Variants in ABI1 observed in about 807,000 individuals in gnomAD.
ABI1 encodes the protein Abelson interactor 1.
In ABI1, 14 loss-of-function variants were observed where a neutral mutation model predicts 54.6. The observed-to-expected ratio is 0.26, with a 90% CI of 0.17 to 0.40. ABI1 has a LOEUF of 0.40. Ranked by LOEUF, ABI1 falls within the 10% of genes least tolerant of loss-of-function variation. ABI1 has a pLI of 1.00. For missense variants in ABI1, 443 were observed against 598.3 expected (o/e 0.74, Z 2.71); for synonymous variants, 194 against 209.3 (o/e 0.93, Z 0.63).
intron 9 of ABI1, 147 bp from the exon 10 acceptor site, chr10:26,751,930 A>T: frequency 1.3e-6 from 1 of 751,760 alleles, no homozygotes; most frequent in East Asian, 2.9e-5. Context: ...TTGGTGTGTT[A>T]AAGTTTATGC....
chr10:26,761,196 C>A (rs796530408), intron 7 of ABI1, among the ~76,000 whole-genome samples: 2 of 152,054 alleles, frequency 1.3e-5, no homozygotes, highest in African/African-American at 4.8e-5. Context: ...ACCTTGGCCT[C>A]CCAAAATGCT....
intron 1 of ABI1, among the ~76,000 whole-genome samples, chr10:26,829,090 G>C (rs1036723550): frequency 9.9e-5 from 15 of 152,154 alleles, no homozygotes; most frequent in African/African-American, 3.6e-4. Context: ...GCCGGGCGCA[G>C]TGGCAGGCGC....
At chr10:26,854,732 A>G (rs1262979247) in intron 1 of ABI1, among the ~76,000 whole-genome samples, 3 of 152,224 alleles carry the variant, frequency 2.0e-5, no homozygotes, top group Admixed American at 6.5e-5. Context: ...GTCTATCCTC[A>G]TCTCCTGAAT....
chr10:26,821,746 C>G (rs1374211070), intron 2 of ABI1, among the ~76,000 whole-genome samples: 4 of 151,150 alleles, frequency 2.6e-5, no homozygotes, highest in Admixed American at 2.6e-4. Flanking sequence ...ATGCAGAGAG[C>G]CAAGATCACG....
intron 1 of ABI1, among the ~76,000 whole-genome samples, chr10:26,839,220 G>A (rs1384607701): frequency 6.6e-6 from 1 of 152,342 alleles, no homozygotes; most frequent in South Asian, 2.1e-4. Context: ...TAACTAGCCA[G>A]GTATGGTGGC....
intron 7 of ABI1, among the ~76,000 whole-genome samples, chr10:26,761,697 A>G (rs1450185033): frequency 2.1e-5 from 3 of 142,114 alleles, no homozygotes; most frequent in Non-Finnish European, 3.0e-5. Context: ...CTTAAACAAT[A>G]CACACAGTTT....
chr10:26,797,619 A>G (rs1470642083), intron 2 of ABI1, among the ~76,000 whole-genome samples: 1 of 152,216 alleles, frequency 6.6e-6, no homozygotes, highest in African/African-American at 2.4e-5. Flanking sequence ...GGAGAATCTC[A>G]GCAGACAGTC....
At chr10:26,831,565 C>T (rs918185943) in intron 1 of ABI1, among the ~76,000 whole-genome samples, 2 of 152,016 alleles carry the variant, frequency 1.3e-5, no homozygotes, top group Non-Finnish European at 2.9e-5. Flanking sequence ...AACCTCTTTA[C>T]GTATGTTTTA....
At chr10:26,814,960 G>T (rs5010875) in intron 2 of ABI1, among the ~76,000 whole-genome samples, 2 of 151,832 alleles carry the variant, frequency 1.3e-5, no homozygotes, top group South Asian at 2.1e-4. Context: ...TCTAAATTTT[G>T]AGATTATGTC....
At chr10:26,809,308 T>A (rs934525091) in intron 2 of ABI1, among the ~76,000 whole-genome samples, 2 of 151,354 alleles carry the variant, frequency 1.3e-5, no homozygotes, top group African/African-American at 2.4e-5. Flanking sequence ...CAGTAATCCC[T>A]ACACTTTGGG....
chr10:26,860,877 G>C lies in ABI1; in HGVS notation c.-14C>G. ...CAGCTCTGCCATTTTCCACCCCTCT[G>C]CATCGCTTCCTCTCGCGTTAAAGAG... On this transcript the variant is annotated 5_prime_UTR_variant, in exon 1 of 11. Transcript: ENST00000376140. The surrounding 1 kb of genome is among the most constrained non-coding windows in gnomAD (Gnocchi z 4.1). 1 of 1,608,550 alleles carries C rather than the reference G, an allele frequency of 6.2e-7. No homozygotes were observed. Among genetic ancestry groups the C allele is most frequent in the Non-Finnish European group, 8.5e-7 (1 of 1,175,136 alleles).
At position 26,748,473 on chromosome 10, in the gene ABI1, G is replaced by T; in HGVS notation, c.*97C>A. 1.1e-6 allele frequency: 1 copy of T among 880,708 alleles called. No homozygotes were observed. The highest frequency in any genetic ancestry group is 1.6e-6 in the Non-Finnish European group (1 of 609,034). The allele number at this position is 880,708 out of a possible 1,614,324, so 54.6% of individuals were successfully genotyped here. On this transcript the variant is annotated 3_prime_UTR_variant, in exon 11 of 11. Coordinates refer to ENST00000376140, the MANE Select transcript of ABI1 (RefSeq NM_001012750.3). The stretch of plus-strand genomic sequence containing the variant: ...ATAAAACAGCATGTTCTGAAAATAT[G>T]GGCACATTTTAAAACATATTAAGAC...
chr10:26,796,178 T>C (rs1844133766), intron 2 of ABI1, among the ~76,000 whole-genome samples: 1 of 152,046 alleles, frequency 6.6e-6, no homozygotes, highest in Non-Finnish European at 1.5e-5. Flanking sequence ...GAGAGGGAGC[T>C]GTGGGTCAAA....
intron 1 of ABI1, among the ~76,000 whole-genome samples, chr10:26,837,255 A>C (rs553720406): frequency 6.6e-6 from 1 of 152,322 alleles, no homozygotes; most frequent in South Asian, 2.1e-4. Flanking sequence ...GGTTCTAGCA[A>C]GGGATTTCTT....
intron 1 of ABI1, among the ~76,000 whole-genome samples, chr10:26,843,127 G>C (rs1243245236): frequency 6.6e-6 from 1 of 151,932 alleles, no homozygotes; most frequent in Non-Finnish European, 1.5e-5. Flanking sequence ...AAGGAAAAAA[G>C]ATTATATGAT....
chr10:26,807,070 T>C (rs2046921154), intron 2 of ABI1, among the ~76,000 whole-genome samples: 1 of 152,242 alleles, frequency 6.6e-6, no homozygotes, highest in Non-Finnish European at 1.5e-5. Flanking sequence ...TGGTAAATGA[T>C]ACCTTACAGA....
chr10:26,820,588 C>CTT (rs34548409), intron 2 of ABI1, among the ~76,000 whole-genome samples: 48 of 138,546 alleles, frequency 3.5e-4, no homozygotes, highest in African/African-American at 1.1e-3. Flanking sequence ...AGCTAATGCA[C>CTT]TTTTTTTTTT....
At chr10:26,831,505 T>C (rs188930715) in intron 1 of ABI1, among the ~76,000 whole-genome samples, 12 of 152,222 alleles carry the variant, frequency 7.9e-5, no homozygotes, top group Admixed American at 7.8e-4. Context: ...ATAGTGCCAC[T>C]GCACTCCAGC....
intron 9 of ABI1, 130 bp downstream of exon 9, chr10:26,755,525 T>C: frequency 1.5e-6 from 1 of 664,374 alleles, no homozygotes; most frequent in Non-Finnish European, 2.5e-6. Context: ...TCAGTTTCAG[T>C]AACATGTCTG....
Sources: allele counts gnomAD v4.1 joint callset (sites outside exome capture counted in the v4.1 genomes callset), GRCh38; gene constraint gnomAD v4.1.1; non-coding constraint Gnocchi (gnomAD v3.1); transcripts MANE v1.5; gene names NCBI Gene and HGNC (gene_info 2026-07-23, HGNC 2026-07-21).